Variants in ABCA5 observed in about 807,000 individuals in gnomAD.
ABCA5 encodes the protein ATP binding cassette subfamily A member 5.
ABCA5 carries 163 observed loss-of-function variants against 206.0 expected under a neutral mutation model. The observed-to-expected ratio is 0.79, with a 90% CI of 0.70 to 0.90. ABCA5 has a LOEUF of 0.90. Among genes scored for constraint, ABCA5 ranks in the 40% least tolerant of loss-of-function variants. The probability of loss-of-function intolerance (pLI) is 0.00; values close to 1 mark genes in which losing one functional copy is unlikely to be tolerated. For missense variants in ABCA5, 1,859 were observed against 1,912.9 expected (o/e 0.97, Z 0.53); for synonymous variants, 609 against 613.8 (o/e 0.99, Z 0.11).
intron 1 of ABCA5, among the ~76,000 whole-genome samples, chr17:69,318,157 G>A (rs2075833032): frequency 2.0e-5 from 3 of 151,240 alleles, no homozygotes; most frequent in South Asian, 2.1e-4. Context: ...TTTTGTCCAG[G>A]CTGGAGTGCA....
intron 10 of ABCA5, 72 bp from the exon 11 acceptor site, chr17:69,294,785 A>AT: frequency 1.1e-6 from 1 of 902,262 alleles, no homozygotes; most frequent in Non-Finnish European, 1.7e-6. Flanking sequence ...TACCATGCAT[A>AT]TTTTTATCAA....
intron 26 of ABCA5, 81 bp from the exon 27 acceptor site, chr17:69,260,493 A>G (rs2075135408): frequency 4.2e-6 from 4 of 950,964 alleles, no homozygotes; most frequent in Non-Finnish European, 4.8e-6. Context: ...TATTTTGTTT[A>G]GCAAACGTGT....
intron 10 of ABCA5, 85 bp downstream of exon 10, chr17:69,297,106 C>T: frequency 1.5e-6 from 2 of 1,292,152 alleles, no homozygotes; most frequent in Non-Finnish European, 1.1e-6. Flanking sequence ...TCTAATATAC[C>T]ATATTTACAT....
Position 69,308,262 on chromosome 17 carries a change from T to G in ABCA5, c.558+18A>C, listed in dbSNP as rs201600792. The G allele has an allele frequency of 1.6e-3, 2,400 of 1,493,346 alleles. 3 individuals carry two copies. Among genetic ancestry groups the G allele is most frequent in the Non-Finnish European group, 2.1e-3 (2,240 of 1,078,538 alleles). The allele number at this position is 1,493,346 out of a possible 1,614,324, so 92.5% of individuals were successfully genotyped here. A position where few individuals can be genotyped will look rare whatever the true frequency, so the allele number is the denominator to read the frequency against. ...TAAAATGGCATAGTTTTTGTATTTC[T>G]TCCTTTATCATATTTACCTGTATAA... is the stretch of plus-strand genomic sequence containing the variant. On this transcript the variant is annotated intron_variant, in intron 5 of 38. Coordinates refer to ENST00000392676, the MANE Select transcript of ABCA5 (RefSeq NM_172232.4).
intron 33 of ABCA5, 24 bp from the exon 34 acceptor site, chr17:69,253,691 TG>T: frequency 6.2e-7 from 1 of 1,602,394 alleles, no homozygotes; most frequent in Non-Finnish European, 8.5e-7. Flanking sequence ...AAAAGATGGG[TG>T]GGAAATTAAC....
At chr17:69,292,086 G>A (rs1429098541) in intron 11 of ABCA5, among the ~76,000 whole-genome samples, 3 of 152,074 alleles carry the variant, frequency 2.0e-5, no homozygotes, top group Non-Finnish European at 4.4e-5. Context: ...TCCAGCCTGG[G>A]GGACAGAGCA....
chr17:69,289,320 T>A lies in ABCA5; in HGVS notation c.1783-24A>T, dbSNP rs534748898. ...ACCTGTAAAAGTAAAGCATGAACAA[T>A]GTTATTTTAAAAATCATACCATTTA... On this transcript the variant is annotated intron_variant, in intron 13 of 38. Coordinates refer to ENST00000392676, the MANE Select transcript of ABCA5 (RefSeq NM_172232.4). The A allele has an allele frequency of 2.0e-6, 3 of 1,485,074 alleles. No individual in the cohort carries two copies. The Admixed American group carries it at 7.6e-5, about 37-fold the overall frequency. 92.0% of individuals were successfully genotyped at this position (1,485,074 alleles called of 1,614,324 possible). A position where few individuals can be genotyped will look rare whatever the true frequency, so the allele number is the denominator to read the frequency against.
At chr17:69,262,874 T>C (rs1412297911) in intron 24 of ABCA5, among the ~76,000 whole-genome samples, 2 of 152,216 alleles carry the variant, frequency 1.3e-5, no homozygotes, top group African/African-American at 4.8e-5. Context: ...AGCATTTCAT[T>C]TTCTCTGCAG....
chr17:69,295,521 A>G (rs767391693), intron 10 of ABCA5, among the ~76,000 whole-genome samples: 1 of 152,220 alleles, frequency 6.6e-6, no homozygotes, highest in Non-Finnish European at 1.5e-5. Flanking sequence ...TCACCATAAC[A>G]GCAAAAGAAG....
chr17:69,274,355 A>T (rs1477934751), intron 19 of ABCA5, among the ~76,000 whole-genome samples: 1 of 151,762 alleles, frequency 6.6e-6, no homozygotes, highest in Non-Finnish European at 1.5e-5. Flanking sequence ...AATAGCTGAG[A>T]CTACAGGCAC....
Position 69,270,729 on chromosome 17 carries a change from A to G in ABCA5, c.2914T>C (p.Phe972Leu), listed in dbSNP as rs747180977. The change falls in exon 22 of 39, where the codon TTC becomes CTC. Residue 972 changes from phenylalanine to leucine, a missense_variant. Phe to Leu is a conservative substitution (Grantham distance 22). Transcript: ENST00000392676. Reference sequence around the variant, plus strand: ...AAAGAATAAACCATAGTACTGTTGAAAACAGCTGCAAAAACATAGTCCTAC... The same window carrying G: ...AAAGAATAAACCATAGTACTGTTGAGAACAGCTGCAAAAACATAGTCCTAC... ...SEKDYVFAAV[F>L]NSTMVYSLPI... The G allele has an allele frequency of 1.3e-6, 2 of 1,557,318 alleles. No homozygotes were observed. The highest frequency in any genetic ancestry group is 1.7e-6 in the Non-Finnish European group (2 of 1,157,962).
At chr17:69,291,561 T>C (rs1184236668) in intron 11 of ABCA5, among the ~76,000 whole-genome samples, 1 of 152,192 alleles carries the variant, frequency 6.6e-6, no homozygotes, top group Non-Finnish European at 1.5e-5. Context: ...TTTAAGAGTA[T>C]ACAAAATATT....
intron 1 of ABCA5, among the ~76,000 whole-genome samples, chr17:69,324,291 G>A (rs544620316): frequency 5.3e-5 from 8 of 152,302 alleles, no homozygotes; most frequent in Admixed American, 4.6e-4. Context: ...GAGTGGAATG[G>A]AATTTCCAGG....
chr17:69,317,232 A>C (rs2075824908), intron 1 of ABCA5: 1 of 151,950 alleles, frequency 6.6e-6, no homozygotes, highest in Non-Finnish European at 1.5e-5. Flanking sequence ...CCCCGTCTCT[A>C]CTAAAAAAAA....
At chr17:69,261,283 A>G in intron 25 of ABCA5, 24 bp from the exon 26 acceptor site, 1 of 1,573,654 alleles carries the variant, frequency 6.4e-7, no homozygotes, top group Non-Finnish European at 8.6e-7. Flanking sequence ...TAAATAAATA[A>G]AAGTGACAAA....
At chr17:69,279,299 A>G (rs997732056) in intron 18 of ABCA5, among the ~76,000 whole-genome samples, 5 of 152,250 alleles carry the variant, frequency 3.3e-5, no homozygotes, top group African/African-American at 1.2e-4. Flanking sequence ...CAAAGAGAAT[A>G]AAATACCTAG....
rs1280401283 is a variant in ABCA5 at position 69,253,568 on chromosome 17, C to A, written c.4415+5G>T. ...CATGTACTGTGTCACAAGTACCATA[C>A]TCACCACATGTGCTGTTTGGCTTTG... On this transcript the variant is annotated splice_donor_5th_base_variant and intron_variant, in intron 34 of 38. Transcript: ENST00000392676. The A allele has an allele frequency of 6.2e-7, 1 of 1,603,542 alleles. No homozygotes were observed. Among genetic ancestry groups the A allele is most frequent in the Admixed American group, 1.7e-5 (1 of 59,988 alleles).
chr17:69,246,181 T>G lies in ABCA5; in HGVS notation c.*1356A>C, dbSNP rs940445320. The G allele has an allele frequency of 1.3e-5, 2 of 151,972 alleles. No homozygotes were observed. The highest frequency in any genetic ancestry group is 1.3e-4 in the Admixed American group (2 of 15,270). 9.4% of individuals were successfully genotyped at this position (151,972 alleles called of 1,614,324 possible). A position where few individuals can be genotyped will look rare whatever the true frequency, so the allele number is the denominator to read the frequency against. ...ATTACACAATAAAGCTAAAAGTTCA[T>G]TAAATTTTGCCTACATTAAAGAATG... is the stretch of plus-strand genomic sequence containing the variant. On this transcript the variant is annotated 3_prime_UTR_variant, in exon 39 of 39. Coordinates refer to ENST00000392676, the MANE Select transcript of ABCA5 (RefSeq NM_172232.4).
At chr17:69,314,217 TA>T in intron 2 of ABCA5, 96 bp downstream of exon 2, 2 of 555,190 alleles carry the variant, frequency 3.6e-6, no homozygotes, top group South Asian at 8.1e-5. Context: ...AAAATTATAA[TA>T]AAAATATATT....
Sources: gnomAD v4.1 joint callset for allele counts (sites outside exome capture counted in the v4.1 genomes callset) on GRCh38, gnomAD v4.1.1 for gene constraint, MANE v1.5 for transcripts, NCBI Gene and HGNC (gene_info 2026-07-23, HGNC 2026-07-21) for gene names.